Variants in P3H1 observed in about 807,000 individuals in gnomAD.
P3H1 encodes the protein growth suppressor 1.
Under a neutral mutation model 84.0 loss-of-function variants are expected in P3H1, and 69 were observed. The ratio of observed to expected loss-of-function variants is 0.82; its 90% confidence interval spans 0.68 to 1.00. The LOEUF is 1.00. Among genes scored for constraint, P3H1 ranks in the 50% least tolerant of loss-of-function variants. P3H1 has a pLI of 0.00. For missense variants in P3H1, 878 were observed against 962.8 expected, an observed-to-expected ratio of 0.91 and a Z score of 1.17; for synonymous variants, 366 against 388.8, an observed-to-expected ratio of 0.94 and a Z score of 0.69.
chr1:42,749,795 A>G (rs1651929604), intron 11 of P3H1: 1 of 201,936 alleles, frequency 5.0e-6, no homozygotes, highest in African/African-American at 2.3e-5. Flanking sequence ...TGCTTTTAAC[A>G]AGCCCTTCTG....
Position 42,766,710 on chromosome 1 carries a change from C to G in P3H1, c.262G>C (p.Asp88His). 6.5e-7 allele frequency: 1 copy of G among 1,548,998 alleles called. No individual in the cohort carries two copies. Residue 88 changes from aspartate (D) to histidine (H), a missense_variant, in exon 1 of 15, where the codon GAC becomes CAC. Coordinates refer to ENST00000296388, the MANE Select transcript of P3H1 (RefSeq NM_022356.4). ...GCCGGGCTGGGGGACCAGTCGGGGT[C>G]CAGCTCCCACGGGAAGTCGGCGGCA... ...QCAADFPWEL[D>H]PDWSPSPAQA... is the part of the protein sequence containing the mutation.
intron 11 of P3H1, among the ~76,000 whole-genome samples, chr1:42,749,486 G>A (rs1651913938): frequency 6.6e-6 from 1 of 152,208 alleles, no homozygotes; most frequent in Non-Finnish European, 1.5e-5. Flanking sequence ...TAACCTCCAG[G>A]CCACTCTCAC....
chr1:42,751,896 C>T, intron 10 of P3H1: 1 of 333,018 alleles, frequency 3.0e-6, no homozygotes, highest in Non-Finnish European at 5.9e-6. Context: ...CCCACTGAAG[C>T]TGCAGCCTCT....
intron 1 of P3H1, among the ~76,000 whole-genome samples, chr1:42,765,169 T>C (rs1652923133): frequency 6.6e-6 from 1 of 152,166 alleles, no homozygotes; most frequent in Non-Finnish European, 1.5e-5. Flanking sequence ...CCCACACACA[T>C]CTCGACATTG....
In P3H1 at chr1:42,754,747, T is replaced by C. The variant is rs999273981; in HGVS notation, c.1345+122A>G. The C allele has an allele frequency of 8.3e-6, 11 of 1,329,804 alleles. No individual in the cohort carries two copies. Among genetic ancestry groups the C allele is most frequent in the Non-Finnish European group, 1.2e-5 (11 of 934,598 alleles). The allele number at this position is 1,329,804 out of a possible 1,614,324, so 82.4% of individuals were successfully genotyped here. A position where few individuals can be genotyped will look rare whatever the true frequency, so the allele number is the denominator to read the frequency against. ...AAGGATGTCCACTGAACTTGCACCC[T>C]AAGGGTGGCTGGCTCATGGTGAGCT... On this transcript the variant is annotated intron_variant, in intron 8 of 14. Transcript: ENST00000296388. This position sits in a 1 kb window ranked among gnomAD's most constrained non-coding sequence, Gnocchi z 4.0.
intron 14 of P3H1, 179 bp downstream of exon 14, chr1:42,747,093 C>T: frequency 1.2e-6 from 2 of 1,614,180 alleles, no homozygotes; most frequent in Non-Finnish European, 1.7e-6. Context: ...CACAGCAGGC[C>T]CAGGGAGGAC....
In P3H1 at chr1:42,752,624, G is replaced by A. The variant is rs747105940; in HGVS notation, c.1386C>T (p.Asn462=). 1.2e-6 allele frequency: 2 copies of A among 1,614,206 alleles called. No individual in the cohort carries two copies. The highest frequency in any genetic ancestry group is 2.2e-5 in the South Asian group (2 of 91,084). The part of the protein sequence containing the change: ...LLYEGISLTM[N]SKLLNGSQRV... ...GCTGGGAACCATTCAGGAGTTTGGA[G>A]TTCATGGTGAGACTGATGCCTTCAT... The change falls in exon 9 of 15, where the codon AAC becomes AAT. Residue 462 remains asparagine (N), a synonymous_variant. Coordinates refer to ENST00000296388, the MANE Select transcript of P3H1 (RefSeq NM_022356.4).
Position 42,747,272 on chromosome 1 carries a change from CCGCTCGCTG to C in P3H1, c.2046_2054del (p.His682_Arg685delinsGln), listed in dbSNP as rs780656422. On this transcript the variant is annotated inframe_deletion and splice_region_variant, in exon 14 of 15. Transcript: ENST00000296388. Reference sequence around the variant, plus strand: ...TCTCACCCGCTCGAGCTGCTCTCACCCGCTCGCTGTGTCGAGGGTCCAGGGTGAACCACA... The same window carrying C: ...TCTCACCCGCTCGAGCTGCTCTCACCTGTCGAGGGTCCAGGGTGAACCACA... 1.9e-6 allele frequency: 3 copies of C among 1,613,900 alleles called. No individual in the cohort carries two copies. The highest frequency in any genetic ancestry group is 2.5e-6 in the Non-Finnish European group (3 of 1,179,862).
chr1:42,746,917 T>G, intron 14 of P3H1, 65 bp from the exon 15 acceptor site: 1 of 1,614,194 alleles, frequency 6.2e-7, no homozygotes. Flanking sequence ...ATCTCTCAGC[T>G]GCTACTTCCC....
chr1:42,748,272 T>C lies in P3H1; in HGVS notation c.1766A>G (p.Asp589Gly). ...GGTCTCGGCATTCAGGATGCAGTTG[T>C]CCACGTGGACTGGATGACTATCATC... ...RKDDSHPVHV[D>G]NCILNAETLV... Residue 589 changes from aspartate (D) to glycine (G), a missense_variant, in exon 12 of 15, where the codon GAC becomes GGC. By Grantham distance (94) the Asp-to-Gly change is moderately conservative. Coordinates refer to ENST00000296388, the MANE Select transcript of P3H1 (RefSeq NM_022356.4). The C allele has an allele frequency of 6.2e-7, 1 of 1,614,076 alleles. No homozygotes were observed. Among genetic ancestry groups the C allele is most frequent in the Non-Finnish European group, 8.5e-7 (1 of 1,180,008 alleles).
chr1:42,759,246 A>T lies in P3H1; in HGVS notation c.763T>A (p.Tyr255Asn). ...TCAGCGTTGTACTCAAGGTAGTTGT[A>T]GCCATCGTAGTCATAGGGCCCTTCG... ...LCEGPYDYDG[Y>N]NYLEYNADLF... Residue 255 changes from tyrosine to asparagine, a missense_variant, in exon 3 of 15, where the codon TAC becomes AAC. By Grantham distance (143) the Tyr-to-Asn change is moderately radical. Coordinates refer to ENST00000296388, the MANE Select transcript of P3H1 (RefSeq NM_022356.4). 1 of 1,614,168 alleles carries T rather than the reference A, an allele frequency of 6.2e-7. No homozygotes were observed. Among genetic ancestry groups the T allele is most frequent in the Non-Finnish European group, 8.5e-7 (1 of 1,180,046 alleles).
intron 10 of P3H1, among the ~76,000 whole-genome samples, 155 bp from the exon 11 acceptor site, chr1:42,750,491 G>A (rs115673565): frequency 0.012 from 1,837 of 152,314 alleles, 62 homozygotes; most frequent in African/African-American, 0.042. Context: ...GATCTTTCCC[G>A]TGCTGTTCTC....
rs1231214046 is a variant in P3H1 at position 42,754,664 on chromosome 1, G to A, written c.1345+205C>T. On this transcript the variant is annotated intron_variant, in intron 8 of 14. Coordinates refer to ENST00000296388, the MANE Select transcript of P3H1 (RefSeq NM_022356.4). The surrounding 1 kb of genome is among the most constrained non-coding windows in gnomAD (Gnocchi z 4.0). ...CACTACATCCTGGAGTCTGATTTCT[G>A]AGCCAAAGGCTGATTCTCAGTGCTC... is the stretch of plus-strand genomic sequence containing the variant. Among the ~76,000 whole-genome samples the A allele has an allele frequency of 6.6e-6, 1 of 152,066 alleles. No individual in the cohort carries two copies. The highest frequency in any genetic ancestry group is 1.5e-5 in the Non-Finnish European group (1 of 68,022).
chr1:42,766,786 C>T lies in P3H1; in HGVS notation c.186G>A (p.Leu62=). ...GGGCGCGGAGGGCTGCCCGGGAGCG[C>T]AGCGCCCGTTCCATGCTCAGGACCA... ...PGVVLSMERA[L]RSRAALRALR... Residue 62 remains leucine, a synonymous_variant, in exon 1 of 15, where the codon CTG becomes CTA. Coordinates refer to ENST00000296388, the MANE Select transcript of P3H1 (RefSeq NM_022356.4). 1 of 1,600,466 alleles carries T rather than the reference C, an allele frequency of 6.2e-7. No individual in the cohort carries two copies. The highest frequency in any genetic ancestry group is 8.5e-7 in the Non-Finnish European group (1 of 1,177,788).
Position 42,750,246 on chromosome 1 carries a change from G to A in P3H1, c.1660C>T (p.Arg554Cys), listed in dbSNP as rs138860050. 2.2e-4 allele frequency: 347 copies of A among 1,613,836 alleles called. No homozygotes were observed. The highest frequency in any genetic ancestry group is 7.3e-4 in the African/African-American group (55 of 74,984). The change falls in exon 11 of 15, where the codon CGC (arginine) becomes TGC (cysteine). Residue 554 changes from arginine to cysteine, a missense_variant. Coordinates refer to ENST00000296388, the MANE Select transcript of P3H1 (RefSeq NM_022356.4). ...GAAAAGTAGAGGGGCGTATCCAGGCGGAAGTAGGACTCCATGATGCGCCGC... is the reference window on the plus strand; with the variant it reads ...GAAAAGTAGAGGGGCGTATCCAGGCAGAAGTAGGACTCCATGATGCGCCGC... ...KVRRIMESYF[R>C]LDTPLYFSYS...
intron 1 of P3H1, among the ~76,000 whole-genome samples, chr1:42,765,443 C>G (rs1041594256): frequency 6.6e-6 from 1 of 152,202 alleles, no homozygotes; most frequent in Non-Finnish European, 1.5e-5. Flanking sequence ...AGACGTTAGT[C>G]GAGCATTTAA....
At position 42,750,009 on chromosome 1, in the gene P3H1, A is replaced by G. The variant is rs548900025; in HGVS notation, c.1720+177T>C. 21 of 748,444 alleles carry G rather than the reference A, an allele frequency of 2.8e-5. 1 individual carries two copies. In the Middle Eastern group the frequency reaches 1.2e-3, roughly 42 times the overall value. The allele number at this position is 748,444 out of a possible 1,614,324, so 46.4% of individuals were successfully genotyped here. On this transcript the variant is annotated intron_variant, in intron 11 of 14. Coordinates refer to ENST00000296388, the MANE Select transcript of P3H1 (RefSeq NM_022356.4). ...TTCTTGATCCCCAGGTAGGTTGACT[A>G]TAACTTCCTCCATGCTACTGTGGCA...
At position 42,747,748 on chromosome 1, in the gene P3H1, G is replaced by A. The variant is rs751516211; in HGVS notation, c.1889C>T (p.Thr630Ile). ...CGTCACGGTCTTGGCATCCAGTTCA[G>A]TGAAATAAAAGTTTCCGCCATCGAA... ...GDFDGGNFYF[T>I]ELDAKTVTAE... is the part of the protein sequence containing the mutation. Residue 630 changes from threonine to isoleucine, a missense_variant, in exon 13 of 15, where the codon ACT becomes ATT. Transcript: ENST00000296388. 1.9e-6 allele frequency: 3 copies of A among 1,614,058 alleles called. No individual in the cohort carries two copies. In the Admixed American group the frequency reaches 5.0e-5, roughly 27 times the overall value.
At chr1:42,748,819 G>A (rs1297276460) in intron 11 of P3H1, 3 of 249,958 alleles carry the variant, frequency 1.2e-5, no homozygotes, top group South Asian at 5.2e-5. Context: ...AGAAGGTCAC[G>A]AAAGGGAACA....
Sources: allele counts gnomAD v4.1 joint callset (sites outside exome capture counted in the v4.1 genomes callset), GRCh38; gene constraint gnomAD v4.1.1; non-coding constraint Gnocchi (gnomAD v3.1); transcripts MANE v1.5; gene names NCBI Gene and HGNC (gene_info 2026-07-23, HGNC 2026-07-21).